The following NGEF variants were observed in gnomAD, a reference collection of about 807,000 sequenced individuals.
NGEF encodes neuronal guanine nucleotide exchange factor.
Under a neutral mutation model 80.9 loss-of-function variants are expected in NGEF, and 31 were observed. The observed-to-expected ratio is 0.38, with a 90% CI of 0.29 to 0.52. The LOEUF (loss-of-function observed/expected upper bound fraction) is 0.52. NGEF is among the 20% of genes least tolerant of loss of function. The probability of loss-of-function intolerance (pLI) is 0.84; values close to 1 mark genes in which losing one functional copy is unlikely to be tolerated. For synonymous variants in NGEF, 371 were observed against 370.2 expected, an observed-to-expected ratio of 1.00 and a Z score of -0.03; for missense variants, 709 against 926.2, an observed-to-expected ratio of 0.77 and a Z score of 3.04.
intron 5 of NGEF, among the ~76,000 whole-genome samples, chr2:232,900,186 A>T (rs111214446): frequency 1.5e-5 from 2 of 137,882 alleles, no homozygotes; most frequent in African/African-American, 3.0e-5. Flanking sequence ...TCACATTCAC[A>T]CACACGCTCT....
chr2:232,970,707 T>C (rs920087036), intron 2 of NGEF, among the ~76,000 whole-genome samples: 50 of 151,686 alleles, frequency 3.3e-4, no homozygotes, highest in African/African-American at 1.1e-3. Flanking sequence ...CCAAGCTACC[T>C]GGGAGGCTGA....
intron 5 of NGEF, among the ~76,000 whole-genome samples, chr2:232,920,039 T>G (rs778355): frequency 0.25 from 37,397 of 152,202 alleles, 4,860 homozygotes; most frequent in Non-Finnish European, 0.29. Context: ...TCCTACTATC[T>G]CATCAGACAG....
intron 5 of NGEF, among the ~76,000 whole-genome samples, chr2:232,907,026 C>G (rs1323320865): frequency 1.3e-5 from 2 of 151,224 alleles, no homozygotes; most frequent in Non-Finnish European, 2.9e-5. Context: ...TCTCAAGTAC[C>G]CAGGGACACA....
At chr2:233,002,240 C>T (rs998915371) in intron 1 of NGEF, among the ~76,000 whole-genome samples, 2 of 151,982 alleles carry the variant, frequency 1.3e-5, no homozygotes, top group Non-Finnish European at 2.9e-5. Flanking sequence ...TTTACTTATT[C>T]TAGAAAAAAA....
chr2:232,919,945 G>A (rs1165789889), intron 5 of NGEF, among the ~76,000 whole-genome samples: 2 of 152,338 alleles, frequency 1.3e-5, no homozygotes, highest in East Asian at 3.9e-4. Context: ...CATAGTCACA[G>A]TGAGCTCAGC....
chr2:232,975,917 T>G (rs1340446321), intron 1 of NGEF, among the ~76,000 whole-genome samples: 2 of 152,134 alleles, frequency 1.3e-5, no homozygotes. Flanking sequence ...TTCAAAATGG[T>G]CAGAGACTTG....
At chr2:232,879,976 G>GC (rs56662833) in intron 14 of NGEF, among the ~76,000 whole-genome samples, 13,804 of 152,174 alleles carry the variant, frequency 0.091, 859 homozygotes, top group East Asian at 0.17. Flanking sequence ...CCCTACACGA[G>GC]CCCAGGAGAC....
chr2:232,914,668 A>G (rs1270656266), intron 5 of NGEF, among the ~76,000 whole-genome samples: 1 of 151,740 alleles, frequency 6.6e-6, no homozygotes, highest in Non-Finnish European at 1.5e-5. Flanking sequence ...GTGCCACTGC[A>G]CTCCAGCCTG....
chr2:232,958,218 A>G (rs990985307), intron 3 of NGEF, among the ~76,000 whole-genome samples: 14 of 152,230 alleles, frequency 9.2e-5, no homozygotes, highest in Admixed American at 8.5e-4. Context: ...CTATATTACT[A>G]GGGGAGGTGG....
At position 232,974,703 on chromosome 2, in the gene NGEF, G is replaced by C. The variant is rs1393287603; in HGVS notation, c.188C>G (p.Ser63Cys). ...GCGTCTTATGGAGCGATTGAAGATG[G>C]AATTTCTCTTAATTGGGATGTGGCA... is the stretch of plus-strand genomic sequence containing the variant. ...PHCHIPIKRN[S>C]IFNRSIRRKS... is the part of the protein sequence containing the mutation. The change falls in exon 2 of 15, where the codon TCC (serine) becomes TGC (cysteine). Residue 63 changes from serine to cysteine, a missense_variant. Ser to Cys is a moderately radical substitution (Grantham distance 112). Transcript: ENST00000264051. The C allele has an allele frequency of 6.2e-7, 1 of 1,614,216 alleles. No homozygotes were observed. The highest frequency in any genetic ancestry group is 1.7e-5 in the Admixed American group (1 of 60,022).
rs566007291 is a variant in NGEF at position 232,883,949 on chromosome 2, C to T, written c.1601+32G>A. 112 of 1,579,594 alleles carry T rather than the reference C, an allele frequency of 7.1e-5. 1 individual carries two copies. In the Middle Eastern group the frequency reaches 1.9e-3, roughly 26 times the overall value. On this transcript the variant is annotated intron_variant, in intron 11 of 14. Coordinates refer to ENST00000264051, the MANE Select transcript of NGEF (RefSeq NM_019850.3). ...ATGCCCAACACACTCCTCTACCCAC[C>T]GGAGCGCCTGATGCCCTGGGCCCCG...
intron 1 of NGEF, among the ~76,000 whole-genome samples, chr2:233,001,045 G>A (rs1694966569): frequency 6.6e-6 from 1 of 152,134 alleles, no homozygotes; most frequent in African/African-American, 2.4e-5. Flanking sequence ...CTTGTCCTCA[G>A]CCCTGGAGGG....
intron 1 of NGEF, among the ~76,000 whole-genome samples, chr2:233,011,062 C>T (rs1039525453): frequency 6.6e-6 from 1 of 152,120 alleles, no homozygotes; most frequent in African/African-American, 2.4e-5. Context: ...GCCTCTCAGC[C>T]TCAGGATCCT....
At position 232,920,619 on chromosome 2, in the gene NGEF, A is replaced by G. The variant is rs779276649; in HGVS notation, c.527-34T>C. 19 of 1,499,170 alleles carry G rather than the reference A, an allele frequency of 1.3e-5. No homozygotes were observed. The East Asian group carries it at 3.9e-4, about 31-fold the overall frequency. 92.9% of individuals were successfully genotyped at this position (1,499,170 alleles called of 1,614,324 possible). Reference sequence around the variant, plus strand: ...AAAGAGTTGTAAAAAAGAAAAGGAAAAGATCTCAGATGACAATCATTAGAA... The same window carrying G: ...AAAGAGTTGTAAAAAAGAAAAGGAAGAGATCTCAGATGACAATCATTAGAA... On this transcript the variant is annotated intron_variant, in intron 4 of 14. Transcript: ENST00000264051.
intron 1 of NGEF, among the ~76,000 whole-genome samples, chr2:232,981,505 A>G (rs942754423): frequency 6.6e-6 from 1 of 152,096 alleles, no homozygotes; most frequent in African/African-American, 2.4e-5. Context: ...ACCTAAGATC[A>G]GCGCTTGAGA....
intron 1 of NGEF, among the ~76,000 whole-genome samples, chr2:232,993,133 T>TA (rs1559238239): frequency 6.0e-5 from 2 of 33,558 alleles, no homozygotes; most frequent in East Asian, 4.5e-3. Flanking sequence ...AAATATATAT[T>TA]TATTTATATA....
At chr2:232,962,565 C>T (rs1003724041) in intron 3 of NGEF, among the ~76,000 whole-genome samples, 3 of 151,318 alleles carry the variant, frequency 2.0e-5, no homozygotes, top group Admixed American at 6.6e-5. Flanking sequence ...AGCTAATAAG[C>T]GAATTTATTA....
At chr2:232,992,106 G>A (rs1487862011) in intron 1 of NGEF, among the ~76,000 whole-genome samples, 4 of 151,948 alleles carry the variant, frequency 2.6e-5, no homozygotes, top group African/African-American at 9.7e-5. Flanking sequence ...AGTTGTAAGG[G>A]GTAAAACCAT....
intron 2 of NGEF, among the ~76,000 whole-genome samples, chr2:232,974,203 T>C (rs1475838263): frequency 6.6e-6 from 1 of 152,230 alleles, no homozygotes; most frequent in Non-Finnish European, 1.5e-5. Flanking sequence ...ATCTCATTTA[T>C]TTTCAGAGCA....
Sources: allele counts gnomAD v4.1 joint callset (sites outside exome capture counted in the v4.1 genomes callset), GRCh38; gene constraint gnomAD v4.1.1; transcripts MANE v1.5; gene names NCBI Gene and HGNC (gene_info 2026-07-23, HGNC 2026-07-21).